SMIM10L3: variants seen among roughly 807,000 people sequenced by gnomAD.
The protein encoded by SMIM10L3 is small integral membrane protein 10 like 3, also known as salivary gland specific protein SAGSIN1.
At chr7:6,333,946 A>G in the SMIM10L3 span, among the ~76,000 whole-genome samples, 2 of 146,068 alleles carry the variant, frequency 1.4e-5, no homozygotes, top group Non-Finnish European at 3.0e-5. Flanking sequence ...TCCCGGGTTC[A>G]CGCCATTCTC....
chr7:6,342,534 G>C, the SMIM10L3 span, among the ~76,000 whole-genome samples: 1 of 150,770 alleles, frequency 6.6e-6, no homozygotes, highest in African/African-American at 2.5e-5. Context: ...GCGAGACTCT[G>C]TCTCAAAAAA....
chr7:6,336,999 A>G, the SMIM10L3 span, among the ~76,000 whole-genome samples: 1 of 152,010 alleles, frequency 6.6e-6, no homozygotes, highest in Non-Finnish European at 1.5e-5. Context: ...AAAATGTGCT[A>G]AGTATGAACA....
chr7:6,337,446 A>G, the SMIM10L3 span, among the ~76,000 whole-genome samples: 1 of 151,756 alleles, frequency 6.6e-6, no homozygotes, highest in Admixed American at 6.6e-5. Context: ...CAAGAAAAAC[A>G]GGTCATATAA....
chr7:6,337,787 T>G, the SMIM10L3 span, among the ~76,000 whole-genome samples: 1 of 150,058 alleles, frequency 6.7e-6, no homozygotes, highest in Non-Finnish European at 1.5e-5. Context: ...CAAAAAGATT[T>G]CAATACATTA....
the SMIM10L3 span, chr7:6,348,954 T>C: frequency 5.3e-6 from 2 of 376,308 alleles, no homozygotes; most frequent in Non-Finnish European, 9.4e-6. Flanking sequence ...TGTACCAGCC[T>C]GGCCGCGCAG....
At chr7:6,348,496 T>C in the SMIM10L3 span, 92 of 410,238 alleles carry the variant, frequency 2.2e-4, 1 homozygote, top group South Asian at 7.3e-3. Flanking sequence ...CAGTGGCAGC[T>C]GCCGTGGCGT....
the SMIM10L3 span, among the ~76,000 whole-genome samples, chr7:6,346,696 A>G: frequency 6.6e-6 from 1 of 152,094 alleles, no homozygotes; most frequent in Non-Finnish European, 1.5e-5. Context: ...TCTTAACTCA[A>G]TTTGGATCAA....
At chr7:6,333,469 A>G in the SMIM10L3 span, among the ~76,000 whole-genome samples, 1 of 152,180 alleles carries the variant, frequency 6.6e-6, no homozygotes, top group African/African-American at 2.4e-5. Flanking sequence ...GGCTGTGATC[A>G]TAAGGAGGGA....
chr7:6,332,198 G>A, the SMIM10L3 span, among the ~76,000 whole-genome samples: 15 of 151,904 alleles, frequency 9.9e-5, no homozygotes, highest in African/African-American at 3.4e-4. Flanking sequence ...CATCCTTCAG[G>A]TTATGTAATT....
chr7:6,337,452 T>C, the SMIM10L3 span, among the ~76,000 whole-genome samples: 1 of 151,770 alleles, frequency 6.6e-6, no homozygotes, highest in Non-Finnish European at 1.5e-5. Flanking sequence ...AAACAGGTCA[T>C]ATAATATGGG....
chr7:6,348,912 C>A, the SMIM10L3 span: 4 of 385,390 alleles, frequency 1.0e-5, no homozygotes, highest in East Asian at 7.4e-5. Context: ...CCGCACGTCA[C>A]GCTCGGAGAA....
At chr7:6,333,077 A>C in the SMIM10L3 span, among the ~76,000 whole-genome samples, 21 of 151,892 alleles carry the variant, frequency 1.4e-4, no homozygotes, top group African/African-American at 4.8e-4. Flanking sequence ...GAATTGCGTG[A>C]ACCCGGGAGG....
chr7:6,339,515 GCT>G, the SMIM10L3 span, among the ~76,000 whole-genome samples: 394 of 150,544 alleles, frequency 2.6e-3, 2 homozygotes, highest in Middle Eastern at 0.01. Context: ...ACGGAGTCTC[GCT>G]CTGTCGCCCA....
the SMIM10L3 span, chr7:6,330,193 A>G: frequency 3.1e-6 from 2 of 636,744 alleles, no homozygotes; most frequent in Non-Finnish European, 5.5e-6. Context: ...ACACATGCCA[A>G]AAAAGTTCCT....
chr7:6,348,238 G>C, the SMIM10L3 span, among the ~76,000 whole-genome samples: 46 of 151,074 alleles, frequency 3.0e-4, no homozygotes, highest in African/African-American at 1.1e-3. Context: ...AATAAGGGGG[G>C]GGGTTGCAAA....
chr7:6,334,428 C>T, the SMIM10L3 span, among the ~76,000 whole-genome samples: 1 of 151,616 alleles, frequency 6.6e-6, no homozygotes, highest in Non-Finnish European at 1.5e-5. Flanking sequence ...CCCTGCTACT[C>T]GGGAGGGTGA....
chr7:6,343,092 ATTGGCCAGGTGCAGTGGC>A, the SMIM10L3 span, among the ~76,000 whole-genome samples: 3 of 150,842 alleles, frequency 2.0e-5, no homozygotes, highest in Non-Finnish European at 4.4e-5. Context: ...AAAAGAAAAA[ATTGGCCAGGTGCAGTGGC>A]TTACACCTGT....
chr7:6,344,372 T>C, the SMIM10L3 span, among the ~76,000 whole-genome samples: 1 of 152,138 alleles, frequency 6.6e-6, no homozygotes, highest in African/African-American at 2.4e-5. Flanking sequence ...ACCCCCATGA[T>C]GTGACATGGC....
the SMIM10L3 span, among the ~76,000 whole-genome samples, chr7:6,333,844 T>TC: frequency 6.8e-6 from 1 of 146,548 alleles, no homozygotes; most frequent in African/African-American, 2.5e-5. Context: ...TGGCCTCTTT[T>TC]TTTTTTTTTT....
Sources: gnomAD v4.1 joint callset for allele counts (sites outside exome capture counted in the v4.1 genomes callset) on GRCh38, gnomAD v4.1.1 for gene constraint, MANE v1.5 for transcripts, NCBI Gene and HGNC (gene_info 2026-07-23, HGNC 2026-07-21) for gene names.